The following GTF2F2 variants were observed in gnomAD, a reference collection of about 807,000 sequenced individuals.
GTF2F2 encodes general transcription factor IIF subunit 2.
A neutral mutation model predicts 42.2 loss-of-function variants in GTF2F2; 23 were observed. That is an observed-to-expected ratio of 0.55 (90% CI 0.39 to 0.77). The LOEUF (loss-of-function observed/expected upper bound fraction) is 0.77. Among genes scored for constraint, GTF2F2 ranks in the 30% least tolerant of loss-of-function variants. The pLI, the probability that GTF2F2 is intolerant of heterozygous loss-of-function variation, is 0.00. For synonymous variants in GTF2F2, 105 were observed against 100.8 expected, an observed-to-expected ratio of 1.04 and a Z score of -0.25; for missense variants, 261 against 287.2, an observed-to-expected ratio of 0.91 and a Z score of 0.66.
intron 6 of GTF2F2, among the ~76,000 whole-genome samples, chr13:45,262,283 A>G (rs1046095486): frequency 3.3e-5 from 5 of 152,238 alleles, no homozygotes; most frequent in African/African-American, 1.2e-4. Context: ...CTGAGGCAGG[A>G]GAATAATTTG....
chr13:45,207,005 A>AAC (rs10547539), intron 4 of GTF2F2: 11,698 of 139,206 alleles, frequency 0.084, 458 homozygotes, highest in Admixed American at 0.13. Flanking sequence ...CACATACACA[A>AAC]ACACACACAC....
intron 5 of GTF2F2, among the ~76,000 whole-genome samples, chr13:45,216,089 C>T (rs1440380079): frequency 6.6e-6 from 1 of 152,006 alleles, no homozygotes; most frequent in East Asian, 1.9e-4. Context: ...ACAACAACAA[C>T]AAAAATTAGC....
At chr13:45,212,004 GCA>G (rs1189381405) in intron 5 of GTF2F2, among the ~76,000 whole-genome samples, 1 of 151,838 alleles carries the variant, frequency 6.6e-6, no homozygotes, top group Non-Finnish European at 1.5e-5. Flanking sequence ...ATATGCGCAC[GCA>G]CACACACAGT....
chr13:45,120,824 C>A, intron 1 of GTF2F2, 103 bp downstream of exon 1: 1 of 797,466 alleles, frequency 1.3e-6, no homozygotes, highest in South Asian at 1.5e-5. Context: ...TCTTTTACGG[C>A]TATCTCGTTA....
At position 45,182,535 on chromosome 13, in the gene GTF2F2, T is replaced by A. The variant is rs1005356688; in HGVS notation, c.305-24889T>A. 3.3e-5 allele frequency among the ~76,000 whole-genome samples: 5 copies of A among 152,146 alleles called. 1 individual carries two copies. The highest frequency in any genetic ancestry group is 1.2e-4 in the African/African-American group (5 of 41,392). ...TTATGCCTTTCTCTCTCTATGTTTA[T>A]ACTCTTCCTCCATCTCCAGAGCAGG... On this transcript the variant is annotated intron_variant, in intron 4 of 7. Coordinates refer to ENST00000340473, the MANE Select transcript of GTF2F2 (RefSeq NM_004128.3).
chr13:45,166,750 G>A (rs969226775), intron 4 of GTF2F2, among the ~76,000 whole-genome samples: 1 of 152,160 alleles, frequency 6.6e-6, no homozygotes, highest in Non-Finnish European at 1.5e-5. Context: ...ATGTAATAGA[G>A]TGAATATGAA....
intron 4 of GTF2F2, among the ~76,000 whole-genome samples, chr13:45,198,077 A>G (rs1333782129): frequency 1.3e-5 from 2 of 152,226 alleles, no homozygotes; most frequent in African/African-American, 4.8e-5. Context: ...CTTTAATCAT[A>G]TATAACCAAC....
At chr13:45,275,205 C>T (rs1040985741) in intron 7 of GTF2F2, among the ~76,000 whole-genome samples, 12 of 152,300 alleles carry the variant, frequency 7.9e-5, no homozygotes, top group Admixed American at 7.8e-4. Context: ...TTGTGGCACA[C>T]ATCAGTACAG....
intron 4 of GTF2F2, among the ~76,000 whole-genome samples, chr13:45,161,816 C>G (rs1344315545): frequency 6.6e-6 from 1 of 152,202 alleles, no homozygotes; most frequent in Non-Finnish European, 1.5e-5. Context: ...GCACTCCAGC[C>G]TGGGCAACAA....
intron 6 of GTF2F2, among the ~76,000 whole-genome samples, chr13:45,254,264 T>A (rs919874839): frequency 3.3e-5 from 5 of 152,270 alleles, no homozygotes; most frequent in Admixed American, 6.5e-5. Flanking sequence ...CAGAGATATG[T>A]ATGTATAGGA....
rs79229473 is a variant in GTF2F2, at chr13:45,179,596, C to T, written c.304+27765C>T. Among the ~76,000 whole-genome samples, 978 of 152,262 alleles carry T rather than the reference C, an allele frequency of 6.4e-3. 12 individuals carry two copies. Among genetic ancestry groups the T allele is most frequent in the African/African-American group, 0.022 (934 of 41,536 alleles). On this transcript the variant is annotated intron_variant, in intron 4 of 7. Transcript: ENST00000340473. ...TTAGACTTTCTACCTTGTATAGGCA[C>T]TGGACTTTGATTTATGTCCCTCATG... is the stretch of plus-strand genomic sequence containing the variant.
At chr13:45,132,569 G>T (rs1869420605) in intron 1 of GTF2F2, among the ~76,000 whole-genome samples, 1 of 152,106 alleles carries the variant, frequency 6.6e-6, no homozygotes, top group African/African-American at 2.4e-5. Flanking sequence ...AATTACAGAA[G>T]CGAAGTCCCA....
At chr13:45,221,863 C>T (rs1290611692) in intron 5 of GTF2F2, among the ~76,000 whole-genome samples, 1 of 151,970 alleles carries the variant, frequency 6.6e-6, no homozygotes, top group Non-Finnish European at 1.5e-5. Flanking sequence ...CACCTTTTAT[C>T]TGTCAAAAAG....
intron 4 of GTF2F2, chr13:45,194,828 G>A (rs1206205533): frequency 2.1e-6 from 1 of 466,496 alleles, no homozygotes; most frequent in Non-Finnish European, 3.8e-6. Flanking sequence ...GGATTTTCAT[G>A]TCTATCCTTT....
intron 7 of GTF2F2, among the ~76,000 whole-genome samples, chr13:45,270,287 G>A (rs1441927543): frequency 6.6e-6 from 1 of 152,044 alleles, no homozygotes; most frequent in African/African-American, 2.4e-5. Flanking sequence ...ATATAAAGTC[G>A]GGGACATAGT....
At position 45,182,434 on chromosome 13, in the gene GTF2F2, ACT is replaced by A. The variant is rs1872211962; in HGVS notation, c.305-24987_305-24986del. ...TTCTTACTTCACTCCTTCCCAGATGACTCTAAAATAGCGTTCAAGATGCTTTG... is the reference window on the plus strand; with the variant it reads ...TTCTTACTTCACTCCTTCCCAGATGACTAAAATAGCGTTCAAGATGCTTTG... On this transcript the variant is annotated intron_variant, in intron 4 of 7. Coordinates refer to ENST00000340473, the MANE Select transcript of GTF2F2 (RefSeq NM_004128.3). Among the ~76,000 whole-genome samples the A allele has an allele frequency of 2.6e-5, 4 of 151,994 alleles. No homozygotes were observed. The South Asian group carries it at 8.3e-4, about 32-fold the overall frequency.
intron 4 of GTF2F2, chr13:45,194,288 G>A (rs774751523): frequency 3.7e-6 from 6 of 1,614,102 alleles, no homozygotes; most frequent in African/African-American, 1.3e-5. Flanking sequence ...TCTCCATTTC[G>A]TAGGAAGTTT....
At chr13:45,279,942 G>C (rs1877194112) in intron 7 of GTF2F2, among the ~76,000 whole-genome samples, 1 of 151,170 alleles carries the variant, frequency 6.6e-6, no homozygotes, top group African/African-American at 2.4e-5. Flanking sequence ...AGGAGCATGT[G>C]ATTTAAGAGG....
chr13:45,265,467 C>T (rs1770763835), intron 6 of GTF2F2, among the ~76,000 whole-genome samples: 1 of 152,104 alleles, frequency 6.6e-6, no homozygotes, highest in South Asian at 2.1e-4. Flanking sequence ...GTCTTACTCT[C>T]CCCATATCTT....
Sources: gnomAD v4.1 joint callset for allele counts (sites outside exome capture counted in the v4.1 genomes callset) on GRCh38, gnomAD v4.1.1 for gene constraint, MANE v1.5 for transcripts, NCBI Gene and HGNC (gene_info 2026-07-23, HGNC 2026-07-21) for gene names.